The following PIK3C2B variants were observed in gnomAD, a reference collection of about 807,000 sequenced individuals.
PIK3C2B encodes the protein phosphatidylinositol 4-phosphate 3-kinase C2 domain-containing subunit beta.
In PIK3C2B, 83 loss-of-function variants were observed where a neutral mutation model predicts 184.3. That is an observed-to-expected ratio of 0.45 (90% CI 0.38 to 0.54). The LOEUF is 0.54. Among genes scored for constraint, PIK3C2B ranks in the 20% least tolerant of loss-of-function variants. The pLI, the probability that PIK3C2B is intolerant of heterozygous loss-of-function variation, is 0.00. For synonymous variants in PIK3C2B, 779 were observed against 837.6 expected, an observed-to-expected ratio of 0.93 and a Z score of 1.21; for missense variants, 1,736 against 2,113.5, an observed-to-expected ratio of 0.82 and a Z score of 3.50.
chr1:204,488,172 A>G (rs1657759431), intron 1 of PIK3C2B, among the ~76,000 whole-genome samples: 1 of 152,246 alleles, frequency 6.6e-6, no homozygotes, highest in African/African-American at 2.4e-5. Context: ...GAACCCAAGT[A>G]ATCTGGCTCC....
intron 23 of PIK3C2B, among the ~76,000 whole-genome samples, chr1:204,438,691 AG>A (rs2103477657): frequency 6.6e-6 from 1 of 152,330 alleles, no homozygotes; most frequent in South Asian, 2.1e-4. Context: ...TTAATCTGCC[AG>A]GAGAACTCAG....
chr1:204,483,631 T>C (rs1055107427), intron 1 of PIK3C2B, among the ~76,000 whole-genome samples: 9 of 152,184 alleles, frequency 5.9e-5, no homozygotes, highest in Non-Finnish European at 4.4e-5. Context: ...AAAGTGACTT[T>C]AGCGAGGGGG....
intron 1 of PIK3C2B, among the ~76,000 whole-genome samples, chr1:204,472,399 G>T (rs938667871): frequency 6.6e-6 from 1 of 151,702 alleles, no homozygotes; most frequent in Admixed American, 6.6e-5. Flanking sequence ...TCCTGACCTC[G>T]TGATCCACCC....
intron 29 of PIK3C2B, 126 bp downstream of exon 29, chr1:204,429,795 C>A: frequency 1.5e-6 from 1 of 680,742 alleles, no homozygotes; most frequent in Non-Finnish European, 2.6e-6. Flanking sequence ...ATTGGTCATT[C>A]AGCCCACAGA....
At chr1:204,457,688 C>T (rs1293128454) in intron 9 of PIK3C2B, 40 bp downstream of exon 9, 2 of 1,564,094 alleles carry the variant, frequency 1.3e-6, no homozygotes, top group Admixed American at 2.0e-5. Context: ...GACAGTATCC[C>T]TCTCTTCCTT....
In PIK3C2B at chr1:204,492,268, C is replaced by T. The variant is rs139942087; in HGVS notation, c.-85+2088G>A. On this transcript the variant is annotated intron_variant, in intron 1 of 32. Transcript: ENST00000684373. Reference sequence around the variant, plus strand: ...ATCCTGTGAGCCATGGCTACTCCCCCACCTCCATTTTACAAATATACAAAC... The same window carrying T: ...ATCCTGTGAGCCATGGCTACTCCCCTACCTCCATTTTACAAATATACAAAC... 6.7e-3 allele frequency among the ~76,000 whole-genome samples: 1,016 copies of T among 152,276 alleles called. 10 individuals carry two copies. The highest frequency in any genetic ancestry group is 0.023 in the African/African-American group (949 of 41,550).
chr1:204,480,831 G>GTAAGCTCCCT (rs1657074185), intron 1 of PIK3C2B, among the ~76,000 whole-genome samples: 1 of 152,080 alleles, frequency 6.6e-6, no homozygotes, highest in Non-Finnish European at 1.5e-5. Context: ...TTCTTCCCTT[G>GTAAGCTCCCT]GGATAGGAAG....
chr1:204,467,202 C>G lies in PIK3C2B; in HGVS notation c.933+1668G>C, dbSNP rs933188518. 3.0e-5 allele frequency: 9 copies of G among 295,866 alleles called. No individual in the cohort carries two copies. In the Middle Eastern group the frequency reaches 3.7e-3, roughly 123 times the overall value. 18.3% of individuals were successfully genotyped at this position (295,866 alleles called of 1,614,324 possible). A position where few individuals can be genotyped will look rare whatever the true frequency, so the allele number is the denominator to read the frequency against. Reference sequence around the variant, plus strand: ...AGGAGTGACAGAGGTGACCACCTACCAGGGTGCCCTGACTCAGTGAGCAGG... The same window carrying G: ...AGGAGTGACAGAGGTGACCACCTACGAGGGTGCCCTGACTCAGTGAGCAGG... On this transcript the variant is annotated intron_variant, in intron 2 of 32. Transcript: ENST00000684373.
intron 22 of PIK3C2B, among the ~76,000 whole-genome samples, chr1:204,439,648 A>T (rs571495323): frequency 4.6e-5 from 7 of 151,970 alleles, no homozygotes; most frequent in South Asian, 4.2e-4. Context: ...CTATATATAT[A>T]TTTTCACACA....
intron 11 of PIK3C2B, among the ~76,000 whole-genome samples, chr1:204,455,558 T>C (rs1287986898): frequency 6.6e-6 from 1 of 150,956 alleles, no homozygotes; most frequent in East Asian, 2.0e-4. Context: ...TCTGTTGCCA[T>C]GTCTCCTTCC....
At chr1:204,454,247 C>G (rs1654622082) in intron 12 of PIK3C2B, among the ~76,000 whole-genome samples, 1 of 151,092 alleles carries the variant, frequency 6.6e-6, no homozygotes, top group Non-Finnish European at 1.5e-5. Context: ...CTCTGGGAGG[C>G]CGAGGCGGGC....
chr1:204,436,044 G>A (rs913647987), intron 23 of PIK3C2B, among the ~76,000 whole-genome samples: 4 of 152,168 alleles, frequency 2.6e-5, no homozygotes, highest in Non-Finnish European at 4.4e-5. Flanking sequence ...GTGGGTAAAT[G>A]ACTAAACTCT....
chr1:204,464,647 G>C lies in PIK3C2B; in HGVS notation c.1035-43C>G, dbSNP rs539955354. The C allele has an allele frequency of 3.7e-5, 58 of 1,584,780 alleles. No homozygotes were observed. The Middle Eastern group carries it at 1.0e-3, about 28-fold the overall frequency. On this transcript the variant is annotated intron_variant, in intron 3 of 32. Transcript: ENST00000684373. Reference sequence around the variant, plus strand: ...AAACCCTCACTGTGCCTTTAGAAGAGAGTAGTCAAGAAGACATCTGTTGGG... The same window carrying C: ...AAACCCTCACTGTGCCTTTAGAAGACAGTAGTCAAGAAGACATCTGTTGGG...
At chr1:204,430,314 C>T (rs1674972622) in intron 28 of PIK3C2B, among the ~76,000 whole-genome samples, 2 of 151,770 alleles carry the variant, frequency 1.3e-5, no homozygotes, top group Admixed American at 6.6e-5. Flanking sequence ...AGAAATGGCT[C>T]GGGAGCCCTC....
rs960225841 is a variant in PIK3C2B at position 204,457,026 on chromosome 1, A to G, written c.1747+11T>C. ...GCCCGACTGGATGAAGATGGAGAGC[A>G]GTTCCCTTACCTCGGTTTTCCCTCA... On this transcript the variant is annotated intron_variant, in intron 10 of 32. Coordinates refer to ENST00000684373, the MANE Select transcript of PIK3C2B (RefSeq NM_001377334.1). 2 of 1,565,136 alleles carry G rather than the reference A, an allele frequency of 1.3e-6. No homozygotes were observed. The highest frequency in any genetic ancestry group is 1.2e-5 in the South Asian group (1 of 85,084).
chr1:204,459,460 T>C (rs916706481), intron 8 of PIK3C2B, among the ~76,000 whole-genome samples: 1 of 152,220 alleles, frequency 6.6e-6, no homozygotes, highest in African/African-American at 2.4e-5. Flanking sequence ...TGTGAAACCT[T>C]CTACCTCCTG....
chr1:204,424,667 G>C lies in PIK3C2B; in HGVS notation c.*185C>G, dbSNP rs750253102. ...ACAACCAACCCAAGTTCAGTCTCCA[G>C]AGGAAGAGACAGCAGAGCATGTCTT... is the stretch of plus-strand genomic sequence containing the variant. On this transcript the variant is annotated 3_prime_UTR_variant, in exon 33 of 33. Coordinates refer to ENST00000684373, the MANE Select transcript of PIK3C2B (RefSeq NM_001377334.1). 9 of 763,332 alleles carry C rather than the reference G, an allele frequency of 1.2e-5. No homozygotes were observed. Among genetic ancestry groups the C allele is most frequent in the East Asian group, 7.4e-5 (3 of 40,568 alleles). The allele number at this position is 763,332 out of a possible 1,614,324, so 47.3% of individuals were successfully genotyped here.
At chr1:204,426,585 T>A (rs529170333) in intron 31 of PIK3C2B, among the ~76,000 whole-genome samples, 32 of 152,238 alleles carry the variant, frequency 2.1e-4, no homozygotes, top group Non-Finnish European at 4.6e-4. Context: ...CCATAGCTCT[T>A]ACTACCATCT....
At chr1:204,441,003 T>C (rs1675630112) in intron 21 of PIK3C2B, among the ~76,000 whole-genome samples, 2 of 152,206 alleles carry the variant, frequency 1.3e-5, no homozygotes, top group Admixed American at 1.3e-4. Flanking sequence ...CATGCATGTA[T>C]TTTGTCTCCC....
Sources: gnomAD v4.1 joint callset for allele counts (sites outside exome capture counted in the v4.1 genomes callset) on GRCh38, gnomAD v4.1.1 for gene constraint, MANE v1.5 for transcripts, NCBI Gene and HGNC (gene_info 2026-07-23, HGNC 2026-07-21) for gene names.